GNB1L: variants seen among roughly 807,000 people sequenced by gnomAD.
GNB1L encodes guanine nucleotide-binding protein subunit beta-like protein 1.
In GNB1L, 20 loss-of-function variants were observed where a neutral mutation model predicts 29.1. The ratio of observed to expected loss-of-function variants is 0.69; its 90% CI spans 0.48 to 1.00. GNB1L has a LOEUF of 1.00. Among genes scored for constraint, GNB1L ranks in the 50% least tolerant of loss-of-function variants. The pLI, the probability that GNB1L is intolerant of heterozygous loss-of-function variation, is 0.00. For missense variants in GNB1L, 421 were observed against 464.9 expected, an observed-to-expected ratio of 0.91 and a Z score of 0.87; for synonymous variants, 193 against 206.5, an observed-to-expected ratio of 0.93 and a Z score of 0.56.
At chr22:19,823,983 C>T (rs537163109) in intron 2 of GNB1L, among the ~76,000 whole-genome samples, 1 of 152,364 alleles carries the variant, frequency 6.6e-6, no homozygotes, top group South Asian at 2.1e-4. Flanking sequence ...CACATGCCAC[C>T]TGCCTGGGGC....
chr22:19,835,600 G>A (rs574424984), intron 2 of GNB1L, among the ~76,000 whole-genome samples: 2 of 152,212 alleles, frequency 1.3e-5, no homozygotes, highest in Non-Finnish European at 2.9e-5. Context: ...CTTGAACCCA[G>A]CTGGCGGAGG....
Position 19,791,405 on chromosome 22 carries a change from G to T in GNB1L, c.733-2445C>A, listed in dbSNP as rs112433958. On this transcript the variant is annotated intron_variant, in intron 7 of 7. Transcript: ENST00000329517. Reference sequence around the variant, plus strand: ...AAATACACAAGGCAACTGTTTACAGGCAGGGAGCACTAGGCAGAGAAGGGC... The same window carrying T: ...AAATACACAAGGCAACTGTTTACAGTCAGGGAGCACTAGGCAGAGAAGGGC... 9.5e-3 allele frequency among the ~76,000 whole-genome samples: 1,450 copies of T among 152,330 alleles called. 17 individuals carry two copies. The highest frequency in any genetic ancestry group is 0.032 in the African/African-American group (1,311 of 41,568).
intron 2 of GNB1L, chr22:19,847,736 G>C: frequency 2.1e-6 from 2 of 973,232 alleles, no homozygotes; most frequent in Non-Finnish European, 2.4e-6. Flanking sequence ...AACAGTATGA[G>C]AAGGTCCACT....
intron 2 of GNB1L, among the ~76,000 whole-genome samples, chr22:19,837,045 C>T (rs993840198): frequency 6.6e-6 from 1 of 151,648 alleles, no homozygotes; most frequent in South Asian, 2.1e-4. Flanking sequence ...CGGCTCACTG[C>T]AAGCTCTGCC....
intron 4 of GNB1L, among the ~76,000 whole-genome samples, chr22:19,814,028 C>T (rs1281369631): frequency 3.3e-5 from 5 of 152,220 alleles, no homozygotes; most frequent in Non-Finnish European, 7.4e-5. Flanking sequence ...CAGAAGGACA[C>T]GGACTCTGAA....
At chr22:19,842,925 G>C (rs1937886769) in intron 2 of GNB1L, among the ~76,000 whole-genome samples, 1 of 152,220 alleles carries the variant, frequency 6.6e-6, no homozygotes, top group South Asian at 2.1e-4. Context: ...CCTGAGCACG[G>C]GAAACAGGTC....
intron 2 of GNB1L, among the ~76,000 whole-genome samples, chr22:19,829,335 G>T (rs1023037200): frequency 1.3e-5 from 2 of 152,076 alleles, no homozygotes; most frequent in African/African-American, 4.8e-5. Flanking sequence ...AGAAATATCA[G>T]TAAGTTTCAT....
chr22:19,835,337 G>A (rs1170747082), intron 2 of GNB1L, among the ~76,000 whole-genome samples: 1 of 150,522 alleles, frequency 6.6e-6, no homozygotes. Context: ...ATCAAGATAG[G>A]CCATATCCTG....
chr22:19,815,634 G>GTGCTCACC (rs1256648074), intron 4 of GNB1L, among the ~76,000 whole-genome samples: 1 of 152,090 alleles, frequency 6.6e-6, no homozygotes, highest in Admixed American at 6.5e-5. Context: ...CCAGGGTGGA[G>GTGCTCACC]TGCAGTGGGG....
intron 4 of GNB1L, among the ~76,000 whole-genome samples, chr22:19,819,864 C>G (rs1227747091): frequency 6.6e-6 from 1 of 152,158 alleles, no homozygotes; most frequent in East Asian, 1.9e-4. Flanking sequence ...ACCACGCCCA[C>G]TTCAGAAACG....
At chr22:19,851,245 C>T in intron 2 of GNB1L, 5 of 1,605,236 alleles carry the variant, frequency 3.1e-6, no homozygotes, top group Non-Finnish European at 4.3e-6. Flanking sequence ...CTAAGGACAC[C>T]TCCTGGTCTC....
intron 7 of GNB1L, among the ~76,000 whole-genome samples, chr22:19,790,379 A>G (rs771858638): frequency 1.3e-5 from 2 of 152,130 alleles, no homozygotes; most frequent in Non-Finnish European, 2.9e-5. Flanking sequence ...ATAATAGTCA[A>G]CCTCATCCCC....
chr22:19,844,996 C>T (rs1313794156), intron 2 of GNB1L, among the ~76,000 whole-genome samples: 1 of 152,160 alleles, frequency 6.6e-6, no homozygotes, highest in Non-Finnish European at 1.5e-5. Context: ...CCCCTGGCCT[C>T]GGGGATGGGG....
At chr22:19,820,150 G>T (rs1487856454) in intron 4 of GNB1L, among the ~76,000 whole-genome samples, 1 of 152,144 alleles carries the variant, frequency 6.6e-6, no homozygotes, top group African/African-American at 2.4e-5. Flanking sequence ...TGGGCAGTGG[G>T]CAGGGAGGCC....
chr22:19,798,570 C>A (rs898921699), intron 7 of GNB1L, among the ~76,000 whole-genome samples: 1 of 152,268 alleles, frequency 6.6e-6, no homozygotes, highest in East Asian at 1.9e-4. Context: ...AAGTCCTGAC[C>A]AGGGATCTTC....
chr22:19,818,062 G>A (rs114059087), intron 4 of GNB1L, among the ~76,000 whole-genome samples: 267 of 152,290 alleles, frequency 1.8e-3, no homozygotes, highest in African/African-American at 6.2e-3. Flanking sequence ...GCCGGGTGGC[G>A]GCCCACAGGC....
intron 6 of GNB1L, among the ~76,000 whole-genome samples, chr22:19,803,390 G>A (rs1043685638): frequency 1.4e-4 from 21 of 152,176 alleles, no homozygotes; most frequent in African/African-American, 4.1e-4. Context: ...CTCCTCCCAG[G>A]CCTCATCCCA....
chr22:19,847,721 C>T, intron 2 of GNB1L: 2 of 981,868 alleles, frequency 2.0e-6, no homozygotes, highest in Non-Finnish European at 1.2e-6. Flanking sequence ...TTGTGTATTC[C>T]CACCAACAGT....
At position 19,788,204 on chromosome 22, in the gene GNB1L, CG is replaced by C. The variant is rs767576168; in HGVS notation, c.*504del. 1.4e-3 allele frequency: 354 copies of C among 248,286 alleles called. 1 individual carries two copies. Among genetic ancestry groups the C allele is most frequent in the Non-Finnish European group, 2.2e-3 (280 of 129,034 alleles). The allele number at this position is 248,286 out of a possible 1,614,324, so 15.4% of individuals were successfully genotyped here. Reference sequence around the variant, plus strand: ...GTGTGTTGGGAGCTCCTGGCCTCCTCGGGGTGAGGGGTCATGTGGACATCGA... The same window carrying C: ...GTGTGTTGGGAGCTCCTGGCCTCCTCGGGTGAGGGGTCATGTGGACATCGA... On this transcript the variant is annotated 3_prime_UTR_variant, in exon 8 of 8. Coordinates refer to ENST00000329517, the MANE Select transcript of GNB1L (RefSeq NM_053004.3).
Sources: allele counts gnomAD v4.1 joint callset (sites outside exome capture counted in the v4.1 genomes callset), GRCh38; gene constraint gnomAD v4.1.1; transcripts MANE v1.5; gene names NCBI Gene and HGNC (gene_info 2026-07-23, HGNC 2026-07-21).